Variants in USP49 observed in about 807,000 individuals in gnomAD.
The protein encoded by USP49 is ubiquitin specific peptidase 49.
USP49 carries 24 observed loss-of-function variants against 58.6 expected under a neutral mutation model. The observed-to-expected ratio is 0.41, with a 90% confidence interval of 0.30 to 0.58. USP49 has a LOEUF of 0.58. Among genes scored for constraint, USP49 ranks in the 20% least tolerant of loss-of-function variants. USP49 has a pLI of 0.30. For missense variants in USP49, 703 were observed against 866.1 expected (o/e 0.81, Z 2.36); for synonymous variants, 408 against 365.1 (o/e 1.12, Z -1.34).
chr6:41,831,266 T>A (rs1475785190), intron 3 of USP49, among the ~76,000 whole-genome samples: 1 of 152,126 alleles, frequency 6.6e-6, no homozygotes, highest in African/African-American at 2.4e-5. Context: ...GGCATGCACC[T>A]GTAACCCCAG....
At chr6:41,877,913 T>C (rs897667972) in intron 2 of USP49, among the ~76,000 whole-genome samples, 1 of 152,148 alleles carries the variant, frequency 6.6e-6, no homozygotes, top group Non-Finnish European at 1.5e-5. Flanking sequence ...CTAGGCAATA[T>C]GCTGCCTAAC....
At chr6:41,833,356 G>A (rs917919999) in intron 3 of USP49, among the ~76,000 whole-genome samples, 1 of 152,120 alleles carries the variant, frequency 6.6e-6, no homozygotes, top group Admixed American at 6.6e-5. Context: ...TCCTCATACT[G>A]TTCAGATTCA....
At chr6:41,809,876 G>C (rs1281414080) in intron 3 of USP49, among the ~76,000 whole-genome samples, 1 of 149,880 alleles carries the variant, frequency 6.7e-6, no homozygotes. Context: ...AATAGGCCGG[G>C]CGCGGTGGCT....
intron 2 of USP49, among the ~76,000 whole-genome samples, chr6:41,876,938 A>G (rs1774513477): frequency 6.6e-6 from 1 of 152,234 alleles, no homozygotes; most frequent in South Asian, 2.1e-4. Context: ...GGTATCAGGA[A>G]GCCTGGGTTT....
At chr6:41,831,134 G>C (rs1231927663) in intron 3 of USP49, among the ~76,000 whole-genome samples, 1 of 152,188 alleles carries the variant, frequency 6.6e-6, no homozygotes, top group Non-Finnish European at 1.5e-5. Flanking sequence ...GCTCACGCCT[G>C]TAATACCAGC....
chr6:41,808,603 G>C (rs942097892), intron 3 of USP49, among the ~76,000 whole-genome samples: 1 of 151,854 alleles, frequency 6.6e-6, no homozygotes, highest in African/African-American at 2.4e-5. Flanking sequence ...GTAGAGACAG[G>C]GTTTCACCAT....
intron 3 of USP49, among the ~76,000 whole-genome samples, chr6:41,840,764 G>A (rs568939219): frequency 1.3e-5 from 2 of 152,076 alleles, no homozygotes; most frequent in South Asian, 4.2e-4. Context: ...TTTTTCTTCA[G>A]TTAATTGAAA....
chr6:41,875,475 T>C (rs1774487446), intron 2 of USP49, among the ~76,000 whole-genome samples: 1 of 152,176 alleles, frequency 6.6e-6, no homozygotes, highest in Non-Finnish European at 1.5e-5. Flanking sequence ...ATAATATCTT[T>C]TATGTCTGAA....
intron 2 of USP49, among the ~76,000 whole-genome samples, chr6:41,884,187 C>A (rs1387538396): frequency 6.6e-6 from 1 of 152,140 alleles, no homozygotes; most frequent in Non-Finnish European, 1.5e-5. Flanking sequence ...CCACACCCAG[C>A]TAATTTTTTG....
intron 3 of USP49, chr6:41,868,504 T>G (rs1774359986): frequency 6.6e-6 from 1 of 151,746 alleles, no homozygotes; most frequent in Admixed American, 6.6e-5. Context: ...ATTTTTGTAT[T>G]TTTAGTAGAG....
chr6:41,821,679 C>A (rs939776932), intron 3 of USP49, among the ~76,000 whole-genome samples: 3 of 152,032 alleles, frequency 2.0e-5, no homozygotes, highest in Non-Finnish European at 4.4e-5. Context: ...GAGGCTGAGG[C>A]AGGAGAATTG....
At chr6:41,812,938 T>C (rs1010471672) in intron 3 of USP49, among the ~76,000 whole-genome samples, 8 of 152,176 alleles carry the variant, frequency 5.3e-5, no homozygotes, top group African/African-American at 1.9e-4. Flanking sequence ...ATAGAGAATA[T>C]ATACAGATAG....
At chr6:41,888,388 C>T (rs1321266268) in intron 2 of USP49, among the ~76,000 whole-genome samples, 3 of 151,846 alleles carry the variant, frequency 2.0e-5, no homozygotes, top group African/African-American at 7.3e-5. Context: ...CTATATTTCA[C>T]AGCTTTGATA....
At chr6:41,801,765 G>A (rs75065714) in intron 5 of USP49, among the ~76,000 whole-genome samples, 2,554 of 152,300 alleles carry the variant, frequency 0.017, 55 homozygotes, top group African/African-American at 0.051. Context: ...AAGACAGGTA[G>A]AAGACTGACA....
intron 3 of USP49, among the ~76,000 whole-genome samples, chr6:41,817,271 C>T (rs569029989): frequency 2.0e-5 from 3 of 150,634 alleles, no homozygotes; most frequent in East Asian, 2.0e-4. Context: ...CCTCAGCCTC[C>T]CGAGTAGCTG....
intron 3 of USP49, among the ~76,000 whole-genome samples, chr6:41,830,020 TAAAC>T (rs1199810259): frequency 1.3e-5 from 2 of 152,260 alleles, no homozygotes; most frequent in African/African-American, 4.8e-5. Context: ...TATAATAATT[TAAAC>T]AAACTATTTG....
chr6:41,821,199 C>CCCCA (rs1157822147), intron 3 of USP49, among the ~76,000 whole-genome samples: 2 of 152,032 alleles, frequency 1.3e-5, no homozygotes, highest in Non-Finnish European at 1.5e-5. Context: ...CCACCTGATC[C>CCCCA]CCCACACCAA....
intron 3 of USP49, among the ~76,000 whole-genome samples, chr6:41,833,525 G>A (rs766080408): frequency 1.4e-4 from 22 of 152,256 alleles, no homozygotes; most frequent in South Asian, 2.1e-4. Flanking sequence ...GACAGGAAAC[G>A]CTACTCCAAT....
At chr6:41,863,710 A>G (rs1319254799) in intron 3 of USP49, among the ~76,000 whole-genome samples, 1 of 152,226 alleles carries the variant, frequency 6.6e-6, no homozygotes, top group Non-Finnish European at 1.5e-5. Flanking sequence ...CCTAGCATAT[A>G]GAAGGTGCTC....
Sources: allele counts gnomAD v4.1 joint callset (sites outside exome capture counted in the v4.1 genomes callset), GRCh38; gene constraint gnomAD v4.1.1; transcripts MANE v1.5; gene names NCBI Gene and HGNC (gene_info 2026-07-23, HGNC 2026-07-21).